GTF2I: variants seen among roughly 807,000 people sequenced by gnomAD.
GTF2I encodes general transcription factor IIi.
GTF2I carries 12 observed loss-of-function variants against 67.6 expected under a neutral mutation model. That is an observed-to-expected ratio of 0.18 (90% CI 0.11 to 0.29). The LOEUF is 0.29. Among genes scored for constraint, GTF2I ranks in the 10% least tolerant of loss-of-function variants. The pLI, the probability that GTF2I is intolerant of heterozygous loss-of-function variation, is 1.00. For synonymous variants in GTF2I, 149 were observed against 197.0 expected (o/e 0.76, Z 2.04); for missense variants, 271 against 580.1 (o/e 0.47, Z 5.47).
rs1554401414 is a variant in GTF2I, at chr7:74,706,402, C to G, written c.654C>G (p.Ile218Met). The change falls in exon 8 of 35, where the codon ATC becomes ATG. Residue 218 changes from isoleucine to methionine, a missense_variant. Physicochemically the swap from Ile to Met is conservative, Grantham distance 10. Around this residue, in one of 9 missense-constraint regions of GTF2I, gnomAD observed 124 missense variants for 147.0 expected, o/e 0.84. Transcript: ENST00000573035. The part of the protein sequence containing the change: ...ILSPGGSCGP[I>M]KVKTEPTEDS... ...CTTCTCCTTGCAGTTGTGGCCCCAT[C>G]AAAGTGAAAACTGAACCCACAGAAG... 6.2e-7 allele frequency: 1 copy of G among 1,613,620 alleles called. No homozygotes were observed. Among genetic ancestry groups the G allele is most frequent in the East Asian group, 2.2e-5 (1 of 44,872 alleles).
At chr7:74,694,647 T>C (rs975687432) in intron 3 of GTF2I, among the ~76,000 whole-genome samples, 20 of 152,128 alleles carry the variant, frequency 1.3e-4, no homozygotes, top group Non-Finnish European at 2.9e-5. Context: ...CAGCAAGTGT[T>C]TGATGTAGAA....
intron 1 of GTF2I, among the ~76,000 whole-genome samples, chr7:74,674,978 A>G (rs1288504917): frequency 6.6e-6 from 1 of 151,678 alleles, no homozygotes; most frequent in African/African-American, 2.4e-5. Flanking sequence ...TCAGTCTCCC[A>G]AGTAGCTGGG....
chr7:74,709,743 G>A (rs1250630893), intron 8 of GTF2I, among the ~76,000 whole-genome samples: 7 of 151,108 alleles, frequency 4.6e-5, no homozygotes, highest in Non-Finnish European at 8.8e-5. Flanking sequence ...TACCATCTCC[G>A]CTCACTGCAA....
chr7:74,673,944 G>T (rs985910234), intron 1 of GTF2I, among the ~76,000 whole-genome samples: 41 of 151,964 alleles, frequency 2.7e-4, no homozygotes, highest in Non-Finnish European at 8.8e-5. Flanking sequence ...CTCCCAAAGT[G>T]CTGGGATTAC....
chr7:74,710,172 A>T (rs1272958005), intron 8 of GTF2I, among the ~76,000 whole-genome samples: 1 of 152,166 alleles, frequency 6.6e-6, no homozygotes, highest in South Asian at 2.1e-4. Context: ...TTGTATATCA[A>T]TTTAACTCTC....
chr7:74,724,370 G>A (rs1425070682), intron 12 of GTF2I, among the ~76,000 whole-genome samples: 1 of 152,164 alleles, frequency 6.6e-6, no homozygotes, highest in South Asian at 2.1e-4. Flanking sequence ...TTATGTTGAA[G>A]CTAAGAGTAT....
At chr7:74,706,279 C>A (rs1584219978) in intron 7 of GTF2I, 111 bp from the exon 8 acceptor site, 3 of 804,582 alleles carry the variant, frequency 3.7e-6, no homozygotes, top group Non-Finnish European at 2.1e-6. Context: ...AGGTTTGCAC[C>A]CACCTTGGTC....
chr7:74,704,722 C>T (rs1187071403), intron 6 of GTF2I, among the ~76,000 whole-genome samples: 1 of 151,872 alleles, frequency 6.6e-6, no homozygotes, highest in Non-Finnish European at 1.5e-5. Flanking sequence ...AGTGGTAATG[C>T]ATGCTTCTGT....
At chr7:74,658,717 C>G (rs1383986676) in intron 1 of GTF2I, among the ~76,000 whole-genome samples, 1 of 151,230 alleles carries the variant, frequency 6.6e-6, no homozygotes, top group Admixed American at 6.6e-5. Flanking sequence ...CCGCAGTGGG[C>G]TTTGTCCCGG....
At chr7:74,663,368 C>T (rs1314233134) in intron 1 of GTF2I, among the ~76,000 whole-genome samples, 1 of 152,158 alleles carries the variant, frequency 6.6e-6, no homozygotes, top group Non-Finnish European at 1.5e-5. Context: ...TCTCTGCAAC[C>T]TCCGATTCCC....
intron 6 of GTF2I, among the ~76,000 whole-genome samples, chr7:74,702,937 G>A (rs1790024075): frequency 6.6e-6 from 1 of 151,748 alleles, no homozygotes; most frequent in African/African-American, 2.4e-5. Flanking sequence ...AGCTCTTGCC[G>A]TGTTGGCCAG....
chr7:74,689,015 G>A, intron 1 of GTF2I, 109 bp from the exon 2 acceptor site: 2 of 688,832 alleles, frequency 2.9e-6, no homozygotes, highest in Non-Finnish European at 5.3e-6. Context: ...TGTCTCTAGA[G>A]CAAGAAAACT....
At chr7:74,683,899 C>T (rs1787470637) in intron 1 of GTF2I, among the ~76,000 whole-genome samples, 1 of 152,070 alleles carries the variant, frequency 6.6e-6, no homozygotes, top group South Asian at 2.1e-4. Flanking sequence ...TAGTTGCATT[C>T]CTTATGAGCA....
chr7:74,693,469 A>G (rs1788560572), intron 3 of GTF2I, among the ~76,000 whole-genome samples: 1 of 151,720 alleles, frequency 6.6e-6, no homozygotes, highest in South Asian at 2.1e-4. Context: ...TAATAGGTAA[A>G]TATGTGTTCT....
intron 12 of GTF2I, chr7:74,727,803 G>A (rs1245675634): frequency 6.6e-6 from 1 of 152,232 alleles, no homozygotes; most frequent in Non-Finnish European, 1.5e-5. Flanking sequence ...GAGGTGTACT[G>A]AAGGGTCACA....
At chr7:74,696,034 C>T (rs1336705902) in intron 3 of GTF2I, among the ~76,000 whole-genome samples, 2 of 151,820 alleles carry the variant, frequency 1.3e-5, no homozygotes, top group Admixed American at 1.3e-4. Context: ...CCCTGTCACC[C>T]AGGCTGGAGT....
At chr7:74,702,374 C>A (rs782791555) in intron 6 of GTF2I, among the ~76,000 whole-genome samples, 1 of 152,058 alleles carries the variant, frequency 6.6e-6, no homozygotes. Context: ...ATTACAGGCA[C>A]GCGCCACCAC....
At chr7:74,665,231 C>T (rs587713541) in intron 1 of GTF2I, among the ~76,000 whole-genome samples, 1 of 152,020 alleles carries the variant, frequency 6.6e-6, no homozygotes, top group East Asian at 1.9e-4. Flanking sequence ...TGTGAGCCAA[C>T]AGTGCCCGGC....
chr7:74,692,483 C>T (rs1026535225), intron 3 of GTF2I, among the ~76,000 whole-genome samples: 2 of 152,186 alleles, frequency 1.3e-5, no homozygotes, highest in East Asian at 1.9e-4. Flanking sequence ...CTCACAGATA[C>T]GAGTCACCTT....
Sources: allele counts gnomAD v4.1 joint callset (sites outside exome capture counted in the v4.1 genomes callset), GRCh38; gene constraint gnomAD v4.1.1; regional missense constraint gnomAD v4.1.1; transcripts MANE v1.5; gene names NCBI Gene and HGNC (gene_info 2026-07-23, HGNC 2026-07-21).